The following VRK2 variants were observed in gnomAD, a reference collection of about 807,000 sequenced individuals.
VRK2 encodes the protein serine/threonine-protein kinase VRK2.
VRK2 carries 60 observed loss-of-function variants against 57.6 expected under a neutral mutation model. The ratio of observed to expected loss-of-function variants is 1.04; its 90% CI spans 0.85 to 1.29. VRK2 has a LOEUF of 1.29. VRK2 is among the 50% of genes most tolerant of loss of function. The probability of loss-of-function intolerance (pLI) is 0.00; values close to 1 mark genes in which losing one functional copy is unlikely to be tolerated. For missense variants in VRK2, 705 were observed against 588.1 expected (o/e 1.20, Z -2.06); for synonymous variants, 231 against 199.2 (o/e 1.16, Z -1.35).
chr2:58,092,395 C>G (rs1378640554), intron 7 of VRK2, among the ~76,000 whole-genome samples: 3 of 152,158 alleles, frequency 2.0e-5, no homozygotes, highest in Non-Finnish European at 4.4e-5. Context: ...TTGAAAACTG[C>G]TACAATTTCT....
intron 7 of VRK2, among the ~76,000 whole-genome samples, chr2:58,105,099 T>TA (rs1302001372): frequency 6.6e-6 from 1 of 151,824 alleles, no homozygotes; most frequent in Non-Finnish European, 1.5e-5. Context: ...GCTGAAACTA[T>TA]AAAAAATACT....
intron 1 of VRK2, among the ~76,000 whole-genome samples, chr2:57,980,526 G>T (rs1558524002): frequency 6.6e-6 from 1 of 152,130 alleles, no homozygotes. Context: ...GTTGGGTGGA[G>T]TATTTTGTAG....
At chr2:58,108,880 G>C (rs1233162329) in intron 7 of VRK2, among the ~76,000 whole-genome samples, 1 of 152,092 alleles carries the variant, frequency 6.6e-6, no homozygotes, top group South Asian at 2.1e-4. Context: ...CCAGTTACTA[G>C]AATTTATTTG....
intron 1 of VRK2, among the ~76,000 whole-genome samples, chr2:57,985,566 G>A (rs978111569): frequency 6.6e-6 from 1 of 151,824 alleles, no homozygotes; most frequent in Non-Finnish European, 1.5e-5. Context: ...AGTTAATAAA[G>A]TACATTCACA....
chr2:58,087,390 A>C (rs1341140804), intron 5 of VRK2, among the ~76,000 whole-genome samples: 2 of 152,202 alleles, frequency 1.3e-5, no homozygotes, highest in Non-Finnish European at 2.9e-5. Flanking sequence ...GTAGCCCATT[A>C]AAGAAGTCCA....
At chr2:57,920,219 A>T (rs978657955) in intron 1 of VRK2, among the ~76,000 whole-genome samples, 1 of 152,044 alleles carries the variant, frequency 6.6e-6, no homozygotes, top group Non-Finnish European at 1.5e-5. Flanking sequence ...CAGTGCATAC[A>T]CTCTTCCCAT....
intron 7 of VRK2, among the ~76,000 whole-genome samples, chr2:58,119,771 T>TTTTATA (rs1201072846): frequency 2.0e-5 from 3 of 151,246 alleles, no homozygotes; most frequent in African/African-American, 2.4e-5. Context: ...ATTTATATTA[T>TTTTATA]TTTATATTTA....
rs143989348 is a variant in VRK2, at chr2:58,062,862, A to G, written c.136+13895A>G. The stretch of plus-strand genomic sequence containing the variant: ...TATCCAGAAGTTCTAGCTGAGATCA[A>G]TGATGAAGGTGGTTACACTAAATAA... On this transcript the variant is annotated intron_variant, in intron 2 of 12. Transcript: ENST00000340157. Among the ~76,000 whole-genome samples, 635 of 152,244 alleles carry G rather than the reference A, an allele frequency of 4.2e-3. 9 individuals are homozygous for G. Among genetic ancestry groups the G allele is most frequent in the African/African-American group, 0.014 (591 of 41,566 alleles).
chr2:58,156,058 G>A (rs1025860227), intron 12 of VRK2, among the ~76,000 whole-genome samples: 3 of 151,920 alleles, frequency 2.0e-5, no homozygotes, highest in African/African-American at 7.3e-5. Flanking sequence ...AGAATTTTCA[G>A]TGTTTTGATA....
At chr2:57,999,044 T>C (rs1673008908) in intron 1 of VRK2, among the ~76,000 whole-genome samples, 2 of 152,016 alleles carry the variant, frequency 1.3e-5, no homozygotes, top group Non-Finnish European at 2.9e-5. Flanking sequence ...TACTGGACAG[T>C]TGTTACATTA....
chr2:57,990,413 T>C (rs929779636), intron 1 of VRK2, among the ~76,000 whole-genome samples: 3 of 152,194 alleles, frequency 2.0e-5, no homozygotes, highest in Non-Finnish European at 4.4e-5. Context: ...AAAATGAGTA[T>C]GTCATACTGA....
rs534710869 is a variant in VRK2 at position 58,158,024 on chromosome 2, T to C, written c.1183-1325T>C. Among the ~76,000 whole-genome samples the C allele has an allele frequency of 2.6e-5, 4 of 152,324 alleles. 1 individual carries two copies. The highest frequency in any genetic ancestry group is 9.6e-5 in the African/African-American group (4 of 41,580). The stretch of plus-strand genomic sequence containing the variant: ...ATTCTTTGATGAGTGCCTTGCCATA[T>C]GATGTCATTTGCTGATGTTCAAGAG... On this transcript the variant is annotated intron_variant, in intron 12 of 12. Transcript: ENST00000340157.
At chr2:58,094,642 C>A (rs1292923970) in intron 7 of VRK2, among the ~76,000 whole-genome samples, 2 of 151,984 alleles carry the variant, frequency 1.3e-5, no homozygotes, top group Non-Finnish European at 2.9e-5. Flanking sequence ...AATTGAGTAC[C>A]CTTTATTTTT....
intron 1 of VRK2, among the ~76,000 whole-genome samples, chr2:57,925,485 T>A (rs1015897266): frequency 1.3e-5 from 2 of 152,106 alleles, no homozygotes; most frequent in African/African-American, 4.8e-5. Flanking sequence ...TTTATTGGCA[T>A]ATAGTTGCTT....
chr2:58,139,591 A>T (rs780572108), intron 10 of VRK2, 75 bp from the exon 11 acceptor site: 5 of 1,308,726 alleles, frequency 3.8e-6, no homozygotes, highest in Non-Finnish European at 5.3e-6. Flanking sequence ...AAGATAACAA[A>T]GATTTTGAGA....
chr2:58,064,410 C>T (rs1375133251), intron 2 of VRK2, among the ~76,000 whole-genome samples: 3 of 152,056 alleles, frequency 2.0e-5, no homozygotes, highest in African/African-American at 7.2e-5. Context: ...CACATCAAGA[C>T]CCTCCACAAG....
chr2:58,027,680 C>T (rs1215477631), intron 2 of VRK2, among the ~76,000 whole-genome samples: 1 of 152,016 alleles, frequency 6.6e-6, no homozygotes, highest in Non-Finnish European at 1.5e-5. Flanking sequence ...TAACTATTGG[C>T]CCCTATAAAG....
At chr2:57,963,184 T>A (rs1671812758) in intron 1 of VRK2, among the ~76,000 whole-genome samples, 1 of 152,228 alleles carries the variant, frequency 6.6e-6, no homozygotes, top group Non-Finnish European at 1.5e-5. Context: ...CCTCTACTGT[T>A]ATTTCTGTAC....
intron 1 of VRK2, among the ~76,000 whole-genome samples, chr2:57,931,624 T>A (rs1394155133): frequency 6.6e-6 from 1 of 152,184 alleles, no homozygotes; most frequent in African/African-American, 2.4e-5. Context: ...TAGTTCGATA[T>A]AGTCCCACTT....
Sources: gnomAD v4.1 joint callset for allele counts (sites outside exome capture counted in the v4.1 genomes callset) on GRCh38, gnomAD v4.1.1 for gene constraint, MANE v1.5 for transcripts, NCBI Gene and HGNC (gene_info 2026-07-23, HGNC 2026-07-21) for gene names.